Variants in NISCH observed in about 807,000 individuals in gnomAD.
The protein encoded by NISCH is I-1 receptor candidate protein.
Under a neutral mutation model 138.4 loss-of-function variants are expected in NISCH, and 55 were observed. That is an observed-to-expected ratio of 0.40 (90% CI 0.32 to 0.50). The LOEUF is 0.50. Among genes scored for constraint, NISCH ranks in the 20% least tolerant of loss-of-function variants. The probability of loss-of-function intolerance (pLI) is 0.71; values close to 1 mark genes in which losing one functional copy is unlikely to be tolerated. For missense variants in NISCH, 1,643 were observed against 2,005.5 expected (o/e 0.82, Z 3.45); for synonymous variants, 860 against 861.5 (o/e 1.00, Z 0.03).
chr3:52,473,631 G>C (rs1045170337), intron 6 of NISCH, 103 bp from the exon 7 acceptor site: 2 of 717,328 alleles, frequency 2.8e-6, no homozygotes, highest in Admixed American at 4.7e-5. Context: ...GATTTGGGTT[G>C]CCTGTCATTG....
chr3:52,488,259 G>A lies in NISCH; in HGVS notation c.2767G>A (p.Asp923Asn), dbSNP rs775596041. 35 of 1,610,414 alleles carry A rather than the reference G, an allele frequency of 2.2e-5. No individual in the cohort carries two copies. The highest frequency in any genetic ancestry group is 1.6e-4 in the Middle Eastern group (1 of 6,084). The change falls in exon 16 of 21, where the codon GAC becomes AAC. Residue 923 changes from aspartate to asparagine, a missense_variant. Transcript: ENST00000345716. Reference sequence around the variant, plus strand: ...CCAGCACCTCAACGTCATCAAGGCCGACTTCAACCCCATGCCCAACCGTGG... The same window carrying A: ...CCAGCACCTCAACGTCATCAAGGCCAACTTCAACCCCATGCCCAACCGTGG... ...TPQHLNVIKADFNPMPNRGTH... is the reference protein window; with the variant it reads ...TPQHLNVIKANFNPMPNRGTH...
chr3:52,484,717 G>A, intron 14 of NISCH, 80 bp downstream of exon 14: 1 of 1,548,578 alleles, frequency 6.5e-7, no homozygotes, highest in Non-Finnish European at 8.9e-7. Flanking sequence ...AGTAGGAAGT[G>A]GCCTAGCTGG....
Position 52,490,767 on chromosome 3 carries a change from G to A in NISCH, c.3676G>A (p.Val1226Met), listed in dbSNP as rs766078244. 29 of 1,614,054 alleles carry A rather than the reference G, an allele frequency of 1.8e-5. No individual in the cohort carries two copies. Among genetic ancestry groups the A allele is most frequent in the Non-Finnish European group, 2.3e-5 (27 of 1,180,036 alleles). Residue 1226 changes from valine to methionine, a missense_variant, in exon 19 of 21, where the codon GTG (valine) becomes ATG (methionine). Val to Met is a conservative substitution (Grantham distance 21). Coordinates refer to ENST00000345716, the MANE Select transcript of NISCH (RefSeq NM_007184.4). Reference protein sequence around the residue: ...NSPFHISQCFVLKLSDLQSVN... With the variant: ...NSPFHISQCFMLKLSDLQSVN... ...CCCTTTCCACATCTCCCAGTGCTTC[G>A]TGCTAAAGCTTAGTGACCTGCAGTC...
chr3:52,486,848 G>A (rs901095567), intron 15 of NISCH, among the ~76,000 whole-genome samples: 77 of 152,358 alleles, frequency 5.1e-4, no homozygotes, highest in African/African-American at 1.7e-3. Context: ...GCCCTGGAGT[G>A]TTCCTTCTCT....
chr3:52,458,836 C>T lies in NISCH; in HGVS notation c.352C>T (p.His118Tyr). ...PRVLAHFLHF[H>Y]FYEINGITAA... Reference sequence around the variant, plus strand: ...AGTACTGGCCCACTTCTTGCATTTTCACTTCTATGTAAGTTCCTCATCGGG... The same window carrying T: ...AGTACTGGCCCACTTCTTGCATTTTTACTTCTATGTAAGTTCCTCATCGGG... Residue 118 changes from histidine to tyrosine, a missense_variant, in exon 3 of 21, where the codon CAC becomes TAC. Transcript: ENST00000345716. The T allele has an allele frequency of 6.3e-7, 1 of 1,591,116 alleles. No homozygotes were observed. The highest frequency in any genetic ancestry group is 8.5e-7 in the Non-Finnish European group (1 of 1,172,680).
chr3:52,484,096 A>G (rs1042743227), intron 13 of NISCH: 1 of 169,502 alleles, frequency 5.9e-6, no homozygotes, highest in Non-Finnish European at 1.3e-5. Context: ...GAGGTTTCCA[A>G]CCTTCCCTCA....
intron 4 of NISCH, chr3:52,471,583 C>T (rs2153231067): frequency 3.5e-6 from 2 of 578,094 alleles, no homozygotes; most frequent in Middle Eastern, 4.5e-4. Context: ...AGTGGCTCCC[C>T]AGCCTCACAG....
intron 2 of NISCH, 26 bp from the exon 3 acceptor site, chr3:52,458,636 G>A (rs374667473): frequency 1.2e-6 from 2 of 1,603,188 alleles, no homozygotes; most frequent in Non-Finnish European, 1.7e-6. Context: ...TTAGTCTGTG[G>A]TTGATGTGCT....
chr3:52,480,530 C>CAG, intron 13 of NISCH: 1 of 1,499,380 alleles, frequency 6.7e-7, no homozygotes, highest in Non-Finnish European at 8.9e-7. Context: ...TGCCCACATC[C>CAG]AGCTCCTCTA....
chr3:52,469,784 A>G (rs6445484), intron 3 of NISCH, among the ~76,000 whole-genome samples: 146,451 of 152,094 alleles, frequency 0.96, 70,561 homozygotes, highest in African/African-American at 0.99. Context: ...GCATCTTGGC[A>G]CATGCCTGTA....
At chr3:52,490,327 C>A in intron 18 of NISCH, 96 bp downstream of exon 18, 2 of 1,398,544 alleles carry the variant, frequency 1.4e-6, no homozygotes, top group Non-Finnish European at 2.0e-6. Context: ...TGGCTTCAGG[C>A]AGCAGTCAGC....
At chr3:52,462,086 G>T (rs955119890) in intron 3 of NISCH, among the ~76,000 whole-genome samples, 2 of 152,054 alleles carry the variant, frequency 1.3e-5, no homozygotes, top group Non-Finnish European at 2.9e-5. Context: ...GCCTGGGGCC[G>T]GCTACATCTG....
intron 15 of NISCH, chr3:52,486,380 T>A (rs1707402805): frequency 6.6e-6 from 1 of 152,576 alleles, no homozygotes; most frequent in South Asian, 2.1e-4. Context: ...CCTCCTAAAG[T>A]ACTGGAATTA....
chr3:52,473,734 A>G lies in NISCH; in HGVS notation c.670A>G (p.Ile224Val), dbSNP rs533540984. Residue 224 changes from isoleucine (I) to valine (V), a missense_variant and splice_region_variant, in exon 7 of 21, where the codon ATA becomes GTA. By Grantham distance (29) the Ile-to-Val change is conservative (BLOSUM62 3). Transcript: ENST00000345716. ...SIFKSLHQVEISHCDAKHIRG... is the reference protein window; with the variant it reads ...SIFKSLHQVEVSHCDAKHIRG... ...GAGATGCAGCTGTTCTTTGTTCCAG[A>G]TAAGTCACTGTGATGCTAAGCACAT... is the stretch of plus-strand genomic sequence containing the variant. 6 of 1,588,548 alleles carry G rather than the reference A, an allele frequency of 3.8e-6. No homozygotes were observed. Among genetic ancestry groups the G allele is most frequent in the Admixed American group, 1.7e-5 (1 of 59,630 alleles).
At chr3:52,476,747 A>T in intron 8 of NISCH, 148 bp downstream of exon 8, 9 of 824,968 alleles carry the variant, frequency 1.1e-5, no homozygotes, top group Non-Finnish European at 1.7e-5. Context: ...TAATTACAAA[A>T]TGGGGGCTGG....
At chr3:52,459,592 C>G (rs1047761879) in intron 3 of NISCH, among the ~76,000 whole-genome samples, 4 of 152,006 alleles carry the variant, frequency 2.6e-5, no homozygotes, top group African/African-American at 9.7e-5. Context: ...CACCACCACA[C>G]CCAGCTAATT....
At position 52,490,779 on chromosome 3, in the gene NISCH, A is replaced by G. The variant is rs1707540816; in HGVS notation, c.3688A>G (p.Ser1230Gly). The G allele has an allele frequency of 6.2e-7, 1 of 1,614,084 alleles. No homozygotes were observed. The highest frequency in any genetic ancestry group is 1.7e-5 in the Admixed American group (1 of 60,008). The change falls in exon 19 of 21, where the codon AGT becomes GGT. Residue 1230 changes from serine (S) to glycine (G), a missense_variant. By Grantham distance (56) the Ser-to-Gly change is moderately conservative. Coordinates refer to ENST00000345716, the MANE Select transcript of NISCH (RefSeq NM_007184.4). ...HISQCFVLKL[S>G]DLQSVNVGLF... is the part of the protein sequence containing the mutation. ...CTCCCAGTGCTTCGTGCTAAAGCTT[A>G]GTGACCTGCAGTCAGTCAATGTGGG...
intron 8 of NISCH, among the ~76,000 whole-genome samples, chr3:52,476,940 C>G (rs1043987417): frequency 2.0e-5 from 3 of 152,108 alleles, no homozygotes; most frequent in Admixed American, 6.5e-5. Context: ...GAGGCTTAGG[C>G]AGGAGAATCG....
intron 19 of NISCH, among the ~76,000 whole-genome samples, chr3:52,491,106 C>T (rs533988945): frequency 1.3e-5 from 2 of 152,384 alleles, no homozygotes; most frequent in East Asian, 3.9e-4. Context: ...TTCTGACTCA[C>T]ATTTCCTGAG....
Sources: gnomAD v4.1 joint callset for allele counts (sites outside exome capture counted in the v4.1 genomes callset) on GRCh38, gnomAD v4.1.1 for gene constraint, MANE v1.5 for transcripts, NCBI Gene and HGNC (gene_info 2026-07-23, HGNC 2026-07-21) for gene names.